The following DPP6 variants were observed in gnomAD, a reference collection of about 807,000 sequenced individuals.
DPP6 encodes the protein dipeptidyl peptidase like 6, also known as A-type potassium channel modulatory protein DPP6.
Under a neutral mutation model 122.6 loss-of-function variants are expected in DPP6, and 69 were observed. The observed-to-expected ratio is 0.56, with a 90% CI of 0.46 to 0.69. DPP6 has a LOEUF of 0.69. DPP6 is among the 30% of genes least tolerant of loss of function. The pLI is 0.00. For synonymous variants in DPP6, 418 were observed against 433.1 expected (o/e 0.97, Z 0.43); for missense variants, 928 against 1,116.9 (o/e 0.83, Z 2.41).
intron 2 of DPP6, among the ~76,000 whole-genome samples, chr7:154,450,747 A>G (rs968905048): frequency 5.9e-5 from 9 of 152,200 alleles, no homozygotes; most frequent in African/African-American, 1.4e-4. Context: ...TGCAAAGCCA[A>G]TCCTTGTTTT....
At chr7:153,941,672 T>G (rs1331978587) in intron 1 of DPP6, among the ~76,000 whole-genome samples, 1 of 152,210 alleles carries the variant, frequency 6.6e-6, no homozygotes, top group East Asian at 1.9e-4. Context: ...TGAGTCTTTT[T>G]CAGAAACGGG....
intron 24 of DPP6, 39 bp from the exon 25 acceptor site, chr7:154,889,418 A>G (rs1384191069): frequency 1.3e-6 from 2 of 1,596,736 alleles, no homozygotes; most frequent in Admixed American, 1.7e-5. Flanking sequence ...GGGTTTTAAC[A>G]AATGTCTTCC....
intron 1 of DPP6, among the ~76,000 whole-genome samples, chr7:153,910,657 A>G (rs1481516546): frequency 6.6e-6 from 1 of 152,190 alleles, no homozygotes; most frequent in Non-Finnish European, 1.5e-5. Context: ...AATGGGTCAT[A>G]AAAACCAGCA....
At chr7:154,370,865 G>A (rs912490259) in intron 1 of DPP6, among the ~76,000 whole-genome samples, 1 of 152,174 alleles carries the variant, frequency 6.6e-6, no homozygotes, top group Admixed American at 6.5e-5. Flanking sequence ...AGTGAGTGCG[G>A]ATTTCTAATT....
intron 1 of DPP6, among the ~76,000 whole-genome samples, chr7:153,995,266 G>A (rs1257190563): frequency 6.6e-6 from 1 of 152,092 alleles, no homozygotes; most frequent in Non-Finnish European, 1.5e-5. Context: ...GAAACATAAG[G>A]ACAGTTTATC....
chr7:154,031,686 G>A (rs1799234409), intron 1 of DPP6, among the ~76,000 whole-genome samples: 1 of 151,728 alleles, frequency 6.6e-6, no homozygotes, highest in Non-Finnish European at 1.5e-5. Flanking sequence ...GTCATTCAGG[G>A]GCACGACCTA....
chr7:154,391,469 C>T (rs1027856734), intron 1 of DPP6, among the ~76,000 whole-genome samples: 1 of 152,192 alleles, frequency 6.6e-6, no homozygotes, highest in African/African-American at 2.4e-5. Flanking sequence ...TCTGAATGTG[C>T]GTCTTTCCAG....
Position 154,867,917 on chromosome 7 carries a change from C to A in DPP6, c.1715-78C>A, listed in dbSNP as rs908457661. 10 of 1,468,810 alleles carry A rather than the reference C, an allele frequency of 6.8e-6. No homozygotes were observed. In the African/African-American group the frequency reaches 1.4e-4, roughly 21 times the overall value. The allele number at this position is 1,468,810 out of a possible 1,614,324, so 91.0% of individuals were successfully genotyped here. ...GGCTGATGAAAGCAGCAGTTACGCA[C>A]ATGAAAAGCCATGGCCCGCAGAGGT... On this transcript the variant is annotated intron_variant, in intron 17 of 25. Coordinates refer to ENST00000377770, the MANE Select transcript of DPP6 (RefSeq NM_130797.4).
chr7:153,780,565 G>T, the DPP6 span, among the ~76,000 whole-genome samples: 1 of 152,102 alleles, frequency 6.6e-6, no homozygotes, highest in South Asian at 2.1e-4. Flanking sequence ...TGGACTTTGG[G>T]ATCTGAAGAA....
rs952418711 is a variant in DPP6, at chr7:154,222,941, T to C, written c.243+169878T>C. 3.6e-4 allele frequency among the ~76,000 whole-genome samples: 54 copies of C among 148,922 alleles called. 3 individuals carry two copies. Among genetic ancestry groups the C allele is most frequent in the Non-Finnish European group, 2.4e-4 (16 of 67,912 alleles). ...TTGGTGGTTGTTGGTGTTCTTCATG[T>C]AGGACCCTGACACCCCTTCCGTAAA... On this transcript the variant is annotated intron_variant, in intron 1 of 25. Transcript: ENST00000377770.
Position 154,875,909 on chromosome 7 carries a change from T to G in DPP6, c.1887T>G (p.Asp629Glu). The G allele has an allele frequency of 6.2e-7, 1 of 1,608,696 alleles. No homozygotes were observed. The highest frequency in any genetic ancestry group is 1.7e-4 in the Middle Eastern group (1 of 6,042). ...TTHYPLLLVV[D>E]GTPGSQSVAE... ...GAGCCCGGGATTCTCTTTCCAGGGA[T>G]GGCACCCCAGGCAGCCAGAGTGTGG... is the stretch of plus-strand genomic sequence containing the variant. The change falls in exon 20 of 26, where the codon GAT becomes GAG. Residue 629 changes from aspartate (D) to glutamate (E), a missense_variant. Physicochemically the swap from Asp to Glu is conservative, Grantham distance 45. Coordinates refer to ENST00000377770, the MANE Select transcript of DPP6 (RefSeq NM_130797.4). The surrounding 1 kb of genome is among the most constrained non-coding windows in gnomAD (Gnocchi z 4.5).
chr7:154,013,523 C>T (rs1482194941), intron 1 of DPP6, among the ~76,000 whole-genome samples: 1 of 148,288 alleles, frequency 6.7e-6, no homozygotes, highest in Non-Finnish European at 1.5e-5. Context: ...CAACATACAA[C>T]CAAATATAGT....
At chr7:153,886,156 C>CTGA (rs1017653181), upstream of DPP6, among the ~76,000 whole-genome samples, 3 of 150,144 alleles carry the variant, frequency 2.0e-5, no homozygotes, top group African/African-American at 7.4e-5. Flanking sequence ...CACACACAGC[C>CTGA]TGATGTGTCT....
intron 1 of DPP6, among the ~76,000 whole-genome samples, chr7:154,035,072 C>T (rs938522600): frequency 1.3e-5 from 2 of 152,030 alleles, no homozygotes; most frequent in African/African-American, 4.8e-5. Flanking sequence ...GCACCTGAAC[C>T]CAGCAACCTC....
At chr7:154,254,594 G>A (rs1048067128) in intron 1 of DPP6, among the ~76,000 whole-genome samples, 2 of 152,050 alleles carry the variant, frequency 1.3e-5, no homozygotes, top group African/African-American at 4.8e-5. Flanking sequence ...TATGTAGTGG[G>A]GTGGGCAGTG....
intron 1 of DPP6, among the ~76,000 whole-genome samples, chr7:154,215,125 C>A (rs1799932025): frequency 6.6e-6 from 1 of 152,144 alleles, no homozygotes; most frequent in African/African-American, 2.4e-5. Flanking sequence ...ACTCACAGTT[C>A]TACATGGCTG....
intron 6 of DPP6, among the ~76,000 whole-genome samples, chr7:154,667,738 A>G (rs1838254695): frequency 6.6e-6 from 1 of 152,078 alleles, no homozygotes; most frequent in Non-Finnish European, 1.5e-5. Flanking sequence ...AAACAAAACA[A>G]AACCACGCAA....
intron 2 of DPP6, among the ~76,000 whole-genome samples, chr7:154,455,333 G>C (rs576712944): frequency 7.2e-5 from 11 of 152,306 alleles, no homozygotes; most frequent in Non-Finnish European, 1.3e-4. Context: ...GCTCTGCTGA[G>C]TCAGAAGAAG....
the DPP6 span, among the ~76,000 whole-genome samples, chr7:153,869,193 T>A: frequency 6.6e-6 from 1 of 152,228 alleles, no homozygotes; most frequent in Non-Finnish European, 1.5e-5. Flanking sequence ...CTGAGTTCAA[T>A]TCCTGGATAT....
Sources: allele counts gnomAD v4.1 joint callset (sites outside exome capture counted in the v4.1 genomes callset), GRCh38; gene constraint gnomAD v4.1.1; non-coding constraint Gnocchi (gnomAD v3.1); transcripts MANE v1.5; gene names NCBI Gene and HGNC (gene_info 2026-07-23, HGNC 2026-07-21).